Variants in C1orf87 observed in about 807,000 individuals in gnomAD.
The protein encoded by C1orf87 is uncharacterized protein C1orf87.
A neutral mutation model predicts 60.5 loss-of-function variants in C1orf87; 58 were observed. The ratio of observed to expected loss-of-function variants is 0.96; its 90% CI spans 0.78 to 1.19. The LOEUF (loss-of-function observed/expected upper bound fraction) is 1.19, where lower values mean the gene tolerates loss of function less well. C1orf87 is among the 50% of genes most tolerant of loss of function. The pLI is 0.00. For synonymous variants in C1orf87, 236 were observed against 227.4 expected (o/e 1.04, Z -0.34); for missense variants, 673 against 638.6 (o/e 1.05, Z -0.58).
At chr1:60,024,322 A>C (rs931109496) in intron 8 of C1orf87, among the ~76,000 whole-genome samples, 1 of 152,046 alleles carries the variant, frequency 6.6e-6, no homozygotes, top group African/African-American at 2.4e-5. Flanking sequence ...AGATTTGTTG[A>C]GTTTGTCTGG....
intron 3 of C1orf87, among the ~76,000 whole-genome samples, chr1:60,052,827 T>C (rs1349788637): frequency 6.6e-6 from 1 of 152,242 alleles, no homozygotes; most frequent in Non-Finnish European, 1.5e-5. Flanking sequence ...TTAGTCAAGC[T>C]GGTAATGAGG....
intron 8 of C1orf87, among the ~76,000 whole-genome samples, chr1:60,011,710 C>A (rs1353547823): frequency 6.6e-6 from 1 of 152,026 alleles, no homozygotes; most frequent in East Asian, 1.9e-4. Context: ...AAGAAAAGTT[C>A]TAATGTCATA....
chr1:60,048,641 CA>C (rs1426791823), intron 3 of C1orf87, among the ~76,000 whole-genome samples: 1 of 151,994 alleles, frequency 6.6e-6, no homozygotes, highest in African/African-American at 2.4e-5. Flanking sequence ...ACCTACAAAA[CA>C]AGACATTCAG....
chr1:60,055,223 C>G lies in C1orf87; in HGVS notation c.323G>C (p.Ser108Thr). The G allele has an allele frequency of 6.2e-7, 1 of 1,613,760 alleles. No individual in the cohort carries two copies. The highest frequency in any genetic ancestry group is 8.5e-7 in the Non-Finnish European group (1 of 1,179,690). The change falls in exon 3 of 12, where the codon AGC (serine) becomes ACC (threonine). Residue 108 changes from serine (S) to threonine (T), a missense_variant. Ser to Thr is a moderately conservative substitution (Grantham distance 58). Coordinates refer to ENST00000371201, the MANE Select transcript of C1orf87 (RefSeq NM_152377.3). ...ACTCACATTGCCATCCAGGAATCTG[C>G]TACTGTTTGCCCCTGTTAGTAGTTT... ...NQKLLTGANS[S>T]RFLDGNIPSQ...
chr1:60,041,895 A>C (rs879716021), intron 3 of C1orf87, among the ~76,000 whole-genome samples: 2 of 152,120 alleles, frequency 1.3e-5, no homozygotes, highest in Non-Finnish European at 2.9e-5. Context: ...TAAATCCAAG[A>C]CTAGGCTCCA....
At chr1:60,005,465 G>A (rs1259793920) in intron 9 of C1orf87, among the ~76,000 whole-genome samples, 2 of 152,108 alleles carry the variant, frequency 1.3e-5, no homozygotes, top group Non-Finnish European at 2.9e-5. Context: ...TTAGGGGATG[G>A]AAAGTAATGA....
chr1:60,019,879 G>A (rs1445323141), intron 8 of C1orf87, among the ~76,000 whole-genome samples: 4 of 152,172 alleles, frequency 2.6e-5, no homozygotes, highest in Non-Finnish European at 4.4e-5. Flanking sequence ...GTTTCTAAAA[G>A]TGTACAGTCA....
chr1:60,020,644 T>A (rs138990692), intron 8 of C1orf87, among the ~76,000 whole-genome samples: 1 of 152,218 alleles, frequency 6.6e-6, no homozygotes, highest in Admixed American at 6.5e-5. Flanking sequence ...ATTTACCCAA[T>A]GCCTGTACTC....
intron 8 of C1orf87, 140 bp downstream of exon 8, chr1:60,025,261 C>T (rs1645191122): frequency 3.3e-6 from 2 of 603,676 alleles, no homozygotes; most frequent in African/African-American, 3.8e-5. Flanking sequence ...GGGGGTTTCA[C>T]CTTTATGACA....
At chr1:60,049,576 C>T (rs111468582) in intron 3 of C1orf87, among the ~76,000 whole-genome samples, 3 of 151,994 alleles carry the variant, frequency 2.0e-5, no homozygotes, top group Non-Finnish European at 4.4e-5. Flanking sequence ...AGGTGTCTGG[C>T]CCTTATGGTG....
chr1:60,056,015 G>A (rs1557478326), intron 2 of C1orf87, among the ~76,000 whole-genome samples: 1 of 152,116 alleles, frequency 6.6e-6, no homozygotes, highest in East Asian at 1.9e-4. Flanking sequence ...GGAGGCTGAG[G>A]CGGGTGGATC....
At chr1:59,999,488 G>T (rs1236096701) in intron 10 of C1orf87, among the ~76,000 whole-genome samples, 1 of 152,098 alleles carries the variant, frequency 6.6e-6, no homozygotes, top group Non-Finnish European at 1.5e-5. Context: ...GATCACAGGT[G>T]CCCTTGGATC....
At chr1:60,046,821 TGTC>T (rs902395621) in intron 3 of C1orf87, among the ~76,000 whole-genome samples, 14 of 152,354 alleles carry the variant, frequency 9.2e-5, no homozygotes, top group African/African-American at 3.1e-4. Flanking sequence ...GAAGCTGTGT[TGTC>T]TGAACTGTAG....
At chr1:60,005,847 T>C (rs1645041410) in intron 9 of C1orf87, among the ~76,000 whole-genome samples, 1 of 150,408 alleles carries the variant, frequency 6.6e-6, no homozygotes, top group African/African-American at 2.5e-5. Context: ...TCCTTCATTA[T>C]CCCCTTCTGA....
chr1:60,029,394 T>C (rs1226686203), intron 7 of C1orf87, among the ~76,000 whole-genome samples: 1 of 152,200 alleles, frequency 6.6e-6, no homozygotes. Context: ...ATGCTTTTTT[T>C]TCCCATTTGA....
At chr1:60,024,562 C>T (rs1217001279) in intron 8 of C1orf87, among the ~76,000 whole-genome samples, 2 of 152,120 alleles carry the variant, frequency 1.3e-5, no homozygotes, top group Non-Finnish European at 2.9e-5. Flanking sequence ...TTAAGGGTAA[C>T]TCTTGGAAAT....
At chr1:60,056,331 TGG>T (rs1163495304) in intron 2 of C1orf87, among the ~76,000 whole-genome samples, 2 of 152,072 alleles carry the variant, frequency 1.3e-5, no homozygotes, top group African/African-American at 2.4e-5. Flanking sequence ...ATTCTTACAG[TGG>T]GTGACCTGAC....
intron 8 of C1orf87, among the ~76,000 whole-genome samples, chr1:60,010,691 C>G (rs1005173976): frequency 5.3e-5 from 8 of 151,836 alleles, no homozygotes; most frequent in African/African-American, 1.9e-4. Context: ...AGGGTCAGGC[C>G]TCAGCAGATG....
chr1:60,025,619 A>C, intron 7 of C1orf87, 121 bp from the exon 8 acceptor site: 3 of 741,694 alleles, frequency 4.0e-6, no homozygotes, highest in Non-Finnish European at 6.3e-6. Context: ...TTGACAAAGA[A>C]TTAATACCCA....
Sources: allele counts gnomAD v4.1 joint callset (sites outside exome capture counted in the v4.1 genomes callset), GRCh38; gene constraint gnomAD v4.1.1; transcripts MANE v1.5; gene names NCBI Gene and HGNC (gene_info 2026-07-23, HGNC 2026-07-21).